Variants in PARP4 observed in about 807,000 individuals in gnomAD.
PARP4 encodes protein mono-ADP-ribosyltransferase PARP4.
PARP4 carries 120 observed loss-of-function variants against 187.7 expected under a neutral mutation model. The observed-to-expected ratio is 0.64, with a 90% confidence interval of 0.55 to 0.74. PARP4 has a LOEUF of 0.74. Among genes scored for constraint, PARP4 ranks in the 30% least tolerant of loss-of-function variants. PARP4 has a pLI of 0.00. For missense variants in PARP4, 1,836 were observed against 2,070.5 expected (o/e 0.89, Z 2.20); for synonymous variants, 654 against 740.9 (o/e 0.88, Z 1.90).
chr13:24,457,767 T>G (rs1357726882), intron 20 of PARP4, among the ~76,000 whole-genome samples: 2 of 73,704 alleles, frequency 2.7e-5, no homozygotes, highest in Admixed American at 4.1e-4. Flanking sequence ...TAAGACTCTG[T>G]CTCAAAAAAA....
chr13:24,448,175 A>T (rs1342782556), intron 25 of PARP4, among the ~76,000 whole-genome samples: 5 of 152,168 alleles, frequency 3.3e-5, no homozygotes, highest in Non-Finnish European at 7.3e-5. Flanking sequence ...GCACCACTGA[A>T]TTCCAGCCTG....
intron 30 of PARP4, among the ~76,000 whole-genome samples, chr13:24,440,198 G>C (rs1218374207): frequency 6.6e-6 from 1 of 152,040 alleles, no homozygotes; most frequent in Admixed American, 6.6e-5. Flanking sequence ...AGGAGTTCGA[G>C]ACTAGCCTGG....
chr13:24,479,990 T>C (rs1250338108), intron 12 of PARP4, among the ~76,000 whole-genome samples: 1 of 151,180 alleles, frequency 6.6e-6, no homozygotes, highest in Non-Finnish European at 1.5e-5. Context: ...TAACACTCAC[T>C]GCGAAGGTCT....
chr13:24,456,209 G>C (rs1452332296), intron 21 of PARP4, 132 bp downstream of exon 21: 1 of 661,008 alleles, frequency 1.5e-6, no homozygotes, highest in East Asian at 2.7e-5. Flanking sequence ...TTTAGTTGCA[G>C]AATCTTGAGA....
chr13:24,476,264 C>T (rs1259926897), intron 14 of PARP4, among the ~76,000 whole-genome samples: 3 of 151,952 alleles, frequency 2.0e-5, no homozygotes, highest in South Asian at 2.1e-4. Flanking sequence ...CAGACATGTG[C>T]TCTTCTGCCT....
intron 14 of PARP4, 75 bp downstream of exon 14, chr13:24,477,626 C>T (rs577546282): frequency 4.9e-6 from 4 of 819,168 alleles, no homozygotes; most frequent in East Asian, 2.6e-5. Flanking sequence ...TGCAAATATA[C>T]ATTCCATTGA....
chr13:24,440,495 TTGGGCAACAG>T (rs1314331060), intron 30 of PARP4, among the ~76,000 whole-genome samples: 1 of 152,018 alleles, frequency 6.6e-6, no homozygotes, highest in Non-Finnish European at 1.5e-5. Context: ...CCCCATCTGT[TTGGGCAACAG>T]TGCCCGTTTC....
chr13:24,423,362 G>A lies in PARP4; in HGVS notation c.4980-2048C>T, dbSNP rs141723089. The stretch of plus-strand genomic sequence containing the variant: ...TCGAGACCAGCCTGGCCAACATGGC[G>A]AAACCTCATCTCTACCACAAATATA... On this transcript the variant is annotated intron_variant, in intron 33 of 33. Transcript: ENST00000381989. Among the ~76,000 whole-genome samples, 510 of 152,032 alleles carry A rather than the reference G, an allele frequency of 3.4e-3. 7 individuals carry two copies. The highest frequency in any genetic ancestry group is 0.011 in the African/African-American group (465 of 41,468).
intron 21 of PARP4, among the ~76,000 whole-genome samples, chr13:24,456,110 TA>T (rs1292250136): frequency 1.3e-5 from 2 of 152,156 alleles, no homozygotes; most frequent in African/African-American, 2.4e-5. Flanking sequence ...GAGCTTAAGG[TA>T]AAAATGCGAA....
At chr13:24,449,616 TC>T in intron 25 of PARP4, 101 bp downstream of exon 25, 1 of 681,858 alleles carries the variant, frequency 1.5e-6, no homozygotes, top group Non-Finnish European at 2.6e-6. Context: ...TCTTTACGGC[TC>T]CCCTCTCATT....
chr13:24,498,357 G>A (rs1200396004), intron 5 of PARP4, 128 bp from the exon 6 acceptor site: 2 of 611,130 alleles, frequency 3.3e-6, no homozygotes, highest in African/African-American at 3.7e-5. Context: ...ATATAGAAAA[G>A]TATCAAGAAG....
Position 24,460,248 on chromosome 13 carries a change from T to C in PARP4, c.2134-112A>G. 9.2e-6 allele frequency: 8 copies of C among 864,964 alleles called. No homozygotes were observed. The African/African-American group carries it at 1.4e-4, about 15-fold the overall frequency. The allele number at this position is 864,964 out of a possible 1,614,324, so 53.6% of individuals were successfully genotyped here. On this transcript the variant is annotated intron_variant, in intron 17 of 33. Transcript: ENST00000381989. ...GAATGACAACCTGCCAAATTCTTCC[T>C]CAGAAAACAGTAATAAAACCTAAAA...
At chr13:24,484,185 T>C (rs1318709725) in intron 12 of PARP4, among the ~76,000 whole-genome samples, 1 of 152,088 alleles carries the variant, frequency 6.6e-6, no homozygotes, top group Non-Finnish European at 1.5e-5. Flanking sequence ...ATGATGTACA[T>C]GGGGTTCTTC....
chr13:24,446,983 T>C (rs781737664), intron 26 of PARP4, 33 bp downstream of exon 26: 1 of 1,529,130 alleles, frequency 6.5e-7, no homozygotes. Flanking sequence ...ATATTGGTCT[T>C]CCCATAGAAT....
chr13:24,436,114 A>C (rs1162875485), intron 30 of PARP4, among the ~76,000 whole-genome samples: 1 of 152,142 alleles, frequency 6.6e-6, no homozygotes, highest in Non-Finnish European at 1.5e-5. Flanking sequence ...CTCATTTTAC[A>C]CATGAGGGAA....
At chr13:24,486,376 G>T in intron 10 of PARP4, 71 bp from the exon 11 acceptor site, 1 of 1,019,532 alleles carries the variant, frequency 9.8e-7, no homozygotes, top group South Asian at 1.5e-5. Context: ...TATAGCAGAA[G>T]AAATCCCAAA....
At chr13:24,506,843 G>C (rs998895026) in intron 1 of PARP4, among the ~76,000 whole-genome samples, 9 of 152,344 alleles carry the variant, frequency 5.9e-5, no homozygotes, top group African/African-American at 2.2e-4. Context: ...TTGGGTGGTC[G>C]ATGGGACCGG....
intron 33 of PARP4, among the ~76,000 whole-genome samples, chr13:24,424,673 C>CTTTT (rs1241681310): frequency 0.15 from 18,750 of 128,798 alleles, 2,145 homozygotes; most frequent in East Asian, 0.34. Flanking sequence ...AAATTATGTA[C>CTTTT]TTTTTTTTTT....
In PARP4 at chr13:24,421,058, A is replaced by T; in HGVS notation, c.*61T>A. 3 of 1,397,848 alleles carry T rather than the reference A, an allele frequency of 2.1e-6. No individual in the cohort carries two copies. The highest frequency in any genetic ancestry group is 2.9e-6 in the Non-Finnish European group (3 of 1,047,292). 86.6% of individuals were successfully genotyped at this position (1,397,848 alleles called of 1,614,324 possible). A position where few individuals can be genotyped will look rare whatever the true frequency, so the allele number is the denominator to read the frequency against. On this transcript the variant is annotated 3_prime_UTR_variant, in exon 34 of 34. Transcript: ENST00000381989. ...TGAAGTTTCATTATAAGTATCTATT[A>T]TCATTTGATTATTTTCTACATAGAA...
Sources: allele counts gnomAD v4.1 joint callset (sites outside exome capture counted in the v4.1 genomes callset), GRCh38; gene constraint gnomAD v4.1.1; transcripts MANE v1.5; gene names NCBI Gene and HGNC (gene_info 2026-07-23, HGNC 2026-07-21).